PHACTR1: variants seen among roughly 807,000 people sequenced by gnomAD.
The protein encoded by PHACTR1 is phosphatase and actin regulator 1.
Under a neutral mutation model 69.2 loss-of-function variants are expected in PHACTR1, and 16 were observed. That is an observed-to-expected ratio of 0.23 (90% CI 0.16 to 0.35). The LOEUF (loss-of-function observed/expected upper bound fraction) is 0.35, where lower values mean the gene tolerates loss of function less well. Among genes scored for constraint, PHACTR1 ranks in the 10% least tolerant of loss-of-function variants. PHACTR1 has a pLI of 1.00. For synonymous variants in PHACTR1, 312 were observed against 284.5 expected (o/e 1.10, Z -0.97); for missense variants, 510 against 734.7 (o/e 0.69, Z 3.54).
intron 4 of PHACTR1, among the ~76,000 whole-genome samples, chr6:12,892,958 G>T (rs1323603245): frequency 6.6e-6 from 1 of 152,178 alleles, no homozygotes; most frequent in Non-Finnish European, 1.5e-5. Context: ...GTAATGGTGG[G>T]ATTTCCAGGA....
intron 10 of PHACTR1, among the ~76,000 whole-genome samples, chr6:13,260,439 C>T (rs1421165384): frequency 6.6e-6 from 1 of 152,160 alleles, no homozygotes; most frequent in African/African-American, 2.4e-5. Context: ...CAATGTCAGG[C>T]GGTGGAAGGC....
chr6:13,226,133 A>G (rs1769637549), intron 8 of PHACTR1, among the ~76,000 whole-genome samples: 1 of 152,226 alleles, frequency 6.6e-6, no homozygotes. Context: ...ATTTAATCCT[A>G]TTCAGTAGTT....
intron 4 of PHACTR1, among the ~76,000 whole-genome samples, chr6:12,891,306 T>C (rs779667634): frequency 2.3e-4 from 35 of 152,262 alleles, no homozygotes; most frequent in Non-Finnish European, 4.3e-4. Context: ...GTGGGTAACA[T>C]GATGTAGTTT....
At chr6:12,957,791 C>G in intron 4 of PHACTR1, 1 of 985,564 alleles carries the variant, frequency 1.0e-6, no homozygotes, top group South Asian at 4.7e-5. Flanking sequence ...TGACACCCTC[C>G]CCTTCTCCAT....
At chr6:12,820,637 A>G (rs1177719890) in intron 4 of PHACTR1, among the ~76,000 whole-genome samples, 1 of 151,988 alleles carries the variant, frequency 6.6e-6, no homozygotes, top group African/African-American at 2.4e-5. Context: ...GTGTCTTTAC[A>G]TAAGGGTTAC....
chr6:12,951,161 G>T (rs1440665386), intron 4 of PHACTR1, among the ~76,000 whole-genome samples: 1 of 152,188 alleles, frequency 6.6e-6, no homozygotes, highest in Non-Finnish European at 1.5e-5. Context: ...TAACTGCTCT[G>T]TTATAGATTA....
intron 4 of PHACTR1, among the ~76,000 whole-genome samples, chr6:12,861,264 TA>T (rs1378732668): frequency 3.3e-5 from 5 of 152,188 alleles, no homozygotes; most frequent in Admixed American, 3.3e-4. Flanking sequence ...TAAAAAGGCT[TA>T]ACAAGTCACC....
chr6:12,724,221 G>T (rs1475536985), intron 3 of PHACTR1, among the ~76,000 whole-genome samples: 1 of 152,138 alleles, frequency 6.6e-6, no homozygotes, highest in Non-Finnish European at 1.5e-5. Context: ...CAGCTACTCA[G>T]GAGACTGAGG....
chr6:12,999,057 C>T (rs1440990518), intron 4 of PHACTR1, among the ~76,000 whole-genome samples: 2 of 152,156 alleles, frequency 1.3e-5, no homozygotes, highest in Non-Finnish European at 2.9e-5. Flanking sequence ...TCTAGTTAAG[C>T]TAAAGTTGCA....
chr6:12,797,884 A>G (rs1481341416), intron 4 of PHACTR1, among the ~76,000 whole-genome samples: 1 of 152,146 alleles, frequency 6.6e-6, no homozygotes, highest in Non-Finnish European at 1.5e-5. Flanking sequence ...TCACTTCATC[A>G]AAGAGGCCAT....
intron 4 of PHACTR1, among the ~76,000 whole-genome samples, chr6:12,841,315 G>C (rs1325369676): frequency 6.6e-5 from 10 of 152,122 alleles, no homozygotes; most frequent in African/African-American, 2.4e-4. Flanking sequence ...GTTGTTTGCT[G>C]TGCAGAATCA....
intron 4 of PHACTR1, among the ~76,000 whole-genome samples, chr6:12,878,184 G>T (rs1164749441): frequency 6.6e-6 from 1 of 152,214 alleles, no homozygotes; most frequent in Non-Finnish European, 1.5e-5. Context: ...CATTAGAGCA[G>T]CCAAGAACCT....
At chr6:12,885,833 G>A (rs1384437686) in intron 4 of PHACTR1, among the ~76,000 whole-genome samples, 1 of 152,180 alleles carries the variant, frequency 6.6e-6, no homozygotes, top group Non-Finnish European at 1.5e-5. Context: ...AGTGGCCCAC[G>A]CCTGTAATCC....
At chr6:12,812,803 A>G (rs1204287109) in intron 4 of PHACTR1, among the ~76,000 whole-genome samples, 1 of 152,200 alleles carries the variant, frequency 6.6e-6, no homozygotes, top group East Asian at 1.9e-4. Context: ...GAGACTTATT[A>G]CAGAAATTCC....
chr6:12,792,351 C>A (rs1772401868), intron 4 of PHACTR1, among the ~76,000 whole-genome samples: 1 of 150,234 alleles, frequency 6.7e-6, no homozygotes, highest in Non-Finnish European at 1.5e-5. Flanking sequence ...GTAATCCCAG[C>A]TACTTGGGAG....
chr6:12,798,886 T>C (rs550173272), intron 4 of PHACTR1, among the ~76,000 whole-genome samples: 1 of 152,356 alleles, frequency 6.6e-6, no homozygotes, highest in South Asian at 2.1e-4. Context: ...GAAGGGAACA[T>C]TCTCTCTATT....
chr6:12,871,179 A>G (rs1781987031), intron 4 of PHACTR1, among the ~76,000 whole-genome samples: 2 of 152,212 alleles, frequency 1.3e-5, no homozygotes, highest in Non-Finnish European at 2.9e-5. Flanking sequence ...CATAGATTCA[A>G]GGAAAGGGGG....
intron 13 of PHACTR1, among the ~76,000 whole-genome samples, chr6:13,284,131 G>A (rs374823495): frequency 2.0e-5 from 3 of 152,164 alleles, no homozygotes; most frequent in South Asian, 4.1e-4. Context: ...CTGTCCACCA[G>A]ACAAGGTATC....
chr6:13,189,958 A>G (rs77363760), intron 7 of PHACTR1, among the ~76,000 whole-genome samples: 6,497 of 151,092 alleles, frequency 0.043, 317 homozygotes, highest in African/African-American at 0.12. Flanking sequence ...GCTTGTAGAC[A>G]GCTCCCTTCT....
Sources: gnomAD v4.1 joint callset for allele counts (sites outside exome capture counted in the v4.1 genomes callset) on GRCh38, gnomAD v4.1.1 for gene constraint, MANE v1.5 for transcripts, NCBI Gene and HGNC (gene_info 2026-07-23, HGNC 2026-07-21) for gene names.